Variants in COL18A1 observed in about 807,000 individuals in gnomAD.
COL18A1 encodes collagen alpha-1(XVIII) chain.
In COL18A1, 133 loss-of-function variants were observed where a neutral mutation model predicts 168.0. The observed-to-expected ratio is 0.79, with a 90% confidence interval of 0.69 to 0.91. The LOEUF (loss-of-function observed/expected upper bound fraction) is 0.91. COL18A1 is among the 40% of genes least tolerant of loss of function. The pLI, the probability that COL18A1 is intolerant of heterozygous loss-of-function variation, is 0.00. For synonymous variants in COL18A1, 949 were observed against 809.0 expected, an observed-to-expected ratio of 1.17 and a Z score of -2.94; for missense variants, 2,126 against 1,925.4, an observed-to-expected ratio of 1.10 and a Z score of -1.95.
intron 38 of COL18A1, among the ~76,000 whole-genome samples, chr21:45,508,305 T>G (rs948563293): frequency 6.8e-6 from 1 of 146,736 alleles, no homozygotes; most frequent in Non-Finnish European, 1.5e-5. Flanking sequence ...GATGGGTGGT[T>G]GCTGGACAGG....
intron 6 of COL18A1, among the ~76,000 whole-genome samples, chr21:45,476,924 TG>T (rs2035692418): frequency 3.5e-4 from 30 of 86,160 alleles, no homozygotes; most frequent in South Asian, 1.0e-3. Context: ...ATGTGTTTTG[TG>T]TGTGTGTGTG....
rs539577444 is a variant in COL18A1, at chr21:45,418,631, G to A, written c.106+13158G>A. Among the ~76,000 whole-genome samples the A allele has an allele frequency of 3.0e-4, 29 of 95,350 alleles. No individual in the cohort carries two copies. In the South Asian group the frequency reaches 3.3e-3, roughly 11 times the overall value. 62.6% of individuals were successfully genotyped at this position (95,350 alleles called of 152,430 possible). A position where few individuals can be genotyped will look rare whatever the true frequency, so the allele number is the denominator to read the frequency against. On this transcript the variant is annotated intron_variant, in intron 2 of 41. Transcript: ENST00000651438. ...GCCTCGTGCACCTGCTGACCCCACC[G>A]TGTCCACAGCCCGCCCTCCTTGGCT...
At chr21:45,470,679 G>A (rs887767952) in intron 3 of COL18A1, among the ~76,000 whole-genome samples, 4 of 151,702 alleles carry the variant, frequency 2.6e-5, no homozygotes, top group Admixed American at 2.0e-4. Flanking sequence ...TAGAGACGGG[G>A]TTTCACCATA....
intron 2 of COL18A1, among the ~76,000 whole-genome samples, chr21:45,444,757 G>C (rs2034469148): frequency 1.3e-5 from 2 of 152,104 alleles, no homozygotes; most frequent in African/African-American, 4.8e-5. Flanking sequence ...AACATTAGCA[G>C]CAAAGATGAC....
chr21:45,485,305 C>G (rs1421517156), intron 15 of COL18A1, among the ~76,000 whole-genome samples: 2 of 149,128 alleles, frequency 1.3e-5, no homozygotes, highest in Non-Finnish European at 3.0e-5. Flanking sequence ...TCGGCCTAAA[C>G]AAACTTTTTT....
rs756073876 is a variant in COL18A1, at chr21:45,482,305, T to G, written c.1674+280T>G. On this transcript the variant is annotated intron_variant, in intron 14 of 41. Coordinates refer to ENST00000651438, the MANE Select transcript of COL18A1 (RefSeq NM_001379500.1). ...TCTTACTCCAAGCTTCCACGTTGGTTACGGGGCAGTGGCCATGAGCCTCTG... is the reference window on the plus strand; with the variant it reads ...TCTTACTCCAAGCTTCCACGTTGGTGACGGGGCAGTGGCCATGAGCCTCTG... The G allele has an allele frequency of 7.0e-5, 47 of 669,650 alleles. No homozygotes were observed. The highest frequency in any genetic ancestry group is 1.2e-4 in the Non-Finnish European group (42 of 364,100). 41.5% of individuals were successfully genotyped at this position (669,650 alleles called of 1,614,324 possible).
chr21:45,431,955 C>T (rs1284627064), intron 2 of COL18A1, among the ~76,000 whole-genome samples: 1 of 152,144 alleles, frequency 6.6e-6, no homozygotes, highest in African/African-American at 2.4e-5. Context: ...CTCATTCCTG[C>T]CCCATTGCTA....
chr21:45,497,868 A>G (rs2236478), intron 32 of COL18A1: 249,068 of 656,616 alleles, frequency 0.38, 48,770 homozygotes, highest in African/African-American at 0.54. Flanking sequence ...GCAGGGCACA[A>G]GCCCAGCAAG....
intron 2 of COL18A1, among the ~76,000 whole-genome samples, chr21:45,411,877 C>T (rs2033309146): frequency 6.6e-6 from 1 of 151,982 alleles, no homozygotes. Flanking sequence ...CAGGCTGGAT[C>T]CTGTCTTTTA....
chr21:45,460,501 C>A (rs930547463), intron 2 of COL18A1, among the ~76,000 whole-genome samples: 1 of 152,190 alleles, frequency 6.6e-6, no homozygotes, highest in Non-Finnish European at 1.5e-5. Flanking sequence ...CGGGAGTGCA[C>A]GTGAAGGTCA....
chr21:45,482,268 C>T (rs1487307255), intron 14 of COL18A1: 14 of 635,200 alleles, frequency 2.2e-5, no homozygotes, highest in East Asian at 1.6e-4. Context: ...GGGCACCCTG[C>T]GAGATCTGAG....
At position 45,477,678 on chromosome 21, in the gene COL18A1, C is replaced by T. The variant is rs576620578; in HGVS notation, c.1006-72C>T. 80 of 1,399,332 alleles carry T rather than the reference C, an allele frequency of 5.7e-5. 1 individual carries two copies. The highest frequency in any genetic ancestry group is 3.3e-4 in the South Asian group (26 of 77,646). The allele number at this position is 1,399,332 out of a possible 1,614,324, so 86.7% of individuals were successfully genotyped here. On this transcript the variant is annotated intron_variant, in intron 7 of 41. Coordinates refer to ENST00000651438, the MANE Select transcript of COL18A1 (RefSeq NM_001379500.1). Reference sequence around the variant, plus strand: ...CAGCCCAGCCTGGGACTCTGGAGGGCGCAGCGGGACACGTGGGCAGGGTGT... The same window carrying T: ...CAGCCCAGCCTGGGACTCTGGAGGGTGCAGCGGGACACGTGGGCAGGGTGT...
chr21:45,422,503 T>C (rs1436193375), intron 2 of COL18A1: 1 of 525,492 alleles, frequency 1.9e-6, no homozygotes, highest in East Asian at 5.5e-5. Context: ...GGCCTTTGCG[T>C]GGCTGCCTGG....
Position 45,485,968 on chromosome 21 carries a change from C to T in COL18A1, c.1702-893C>T, listed in dbSNP as rs148257945. Among the ~76,000 whole-genome samples the T allele has an allele frequency of 1.8e-3, 267 of 152,320 alleles. 1 individual carries two copies. The highest frequency in any genetic ancestry group is 3.2e-3 in the Non-Finnish European group (216 of 68,026). On this transcript the variant is annotated intron_variant, in intron 15 of 41. Coordinates refer to ENST00000651438, the MANE Select transcript of COL18A1 (RefSeq NM_001379500.1). ...CCTCTCCGTCTACAGCCACGGAAAC[C>T]GAGGCTCAGGGAGCTTGTGGCTGCG...
At chr21:45,452,479 GTGTT>G (rs2034644982) in intron 2 of COL18A1, among the ~76,000 whole-genome samples, 2 of 144,100 alleles carry the variant, frequency 1.4e-5, no homozygotes, top group South Asian at 2.2e-4. Context: ...ATGTACGTGT[GTGTT>G]TCTGTATGCA....
chr21:45,468,148 T>C, intron 2 of COL18A1, 94 bp from the exon 3 acceptor site: 1 of 1,387,754 alleles, frequency 7.2e-7, no homozygotes, highest in South Asian at 1.2e-5. Context: ...CAGTTTCTCC[T>C]TTCTGCCCCT....
chr21:45,503,943 G>A (rs960485148), intron 32 of COL18A1, 68 bp from the exon 33 acceptor site: 14 of 1,576,342 alleles, frequency 8.9e-6, no homozygotes, highest in Non-Finnish European at 1.7e-6. Context: ...CAGTGCTGGG[G>A]GCTGCAGAGG....
chr21:45,496,297 A>G (rs1410924695), intron 29 of COL18A1: 8 of 713,284 alleles, frequency 1.1e-5, no homozygotes. Flanking sequence ...GCACGACTCC[A>G]GCGTGGGATG....
intron 2 of COL18A1, among the ~76,000 whole-genome samples, chr21:45,418,684 G>C (rs921081599): frequency 1.3e-5 from 2 of 150,354 alleles, no homozygotes; most frequent in African/African-American, 4.9e-5. Flanking sequence ...TCTCAGGGAA[G>C]CGGCACCTCC....
Sources: gnomAD v4.1 joint callset for allele counts (sites outside exome capture counted in the v4.1 genomes callset) on GRCh38, gnomAD v4.1.1 for gene constraint, MANE v1.5 for transcripts, NCBI Gene and HGNC (gene_info 2026-07-23, HGNC 2026-07-21) for gene names.